RMDN1: variants seen among roughly 807,000 people sequenced by gnomAD.
RMDN1 encodes the protein regulator of microtubule dynamics protein 1.
Under a neutral mutation model 48.9 loss-of-function variants are expected in RMDN1, and 48 were observed. The observed-to-expected ratio is 0.98, with a 90% CI of 0.78 to 1.25. The LOEUF (loss-of-function observed/expected upper bound fraction) is 1.25. Ranked by LOEUF, RMDN1 falls within the 50% of genes most tolerant of loss-of-function variation. The pLI is 0.00. For synonymous variants in RMDN1, 148 were observed against 132.6 expected (o/e 1.12, Z -0.80); for missense variants, 418 against 373.4 (o/e 1.12, Z -0.98).
At chr8:86,471,320 C>T (rs1365155358), downstream of RMDN1, among the ~76,000 whole-genome samples, 1 of 151,798 alleles carries the variant, frequency 6.6e-6, no homozygotes, top group Non-Finnish European at 1.5e-5. Context: ...TGAACTAACC[C>T]AGACCCTTTC....
intron 6 of RMDN1, among the ~76,000 whole-genome samples, chr8:86,479,720 C>G (rs1814011739): frequency 6.6e-6 from 1 of 152,052 alleles, no homozygotes; most frequent in African/African-American, 2.4e-5. Flanking sequence ...ACACTGGTAC[C>G]CTTCTTAGAT....
Position 86,508,665 on chromosome 8 carries a change from C to A in RMDN1, c.-45G>T, listed in dbSNP as rs68008113. The A allele has an allele frequency of 0.27, 418,378 of 1,542,890 alleles. 62,953 individuals are homozygous for A. The highest frequency in any genetic ancestry group is 0.56 in the Admixed American group (28,988 of 52,060). ...GACCCTGCACTACTTCAGGCAGCTACGGAGGCGGGCGGGGCTAAAGGAGAT... is the reference window on the plus strand; with the variant it reads ...GACCCTGCACTACTTCAGGCAGCTAAGGAGGCGGGCGGGGCTAAAGGAGAT... On this transcript the variant is annotated 5_prime_UTR_variant, in exon 1 of 10. Transcript: ENST00000406452.
chr8:86,508,049 T>G, intron 1 of RMDN1: 1 of 156,816 alleles, frequency 6.4e-6, no homozygotes, highest in Non-Finnish European at 1.4e-5. Context: ...AATAAACATT[T>G]TTAAACAAAA....
intron 2 of RMDN1, among the ~76,000 whole-genome samples, chr8:86,497,071 C>CA (rs1261563219): frequency 1.3e-5 from 2 of 152,142 alleles, no homozygotes; most frequent in Non-Finnish European, 2.9e-5. Flanking sequence ...AAGCAGAAAT[C>CA]AAAGACTTCT....
chr8:86,514,236 A>G, intron 1 of RMDN1: 2 of 984,632 alleles, frequency 2.0e-6, no homozygotes, highest in Non-Finnish European at 2.4e-6. Context: ...GCACCAAACC[A>G]CTTACCTTAA....
chr8:86,477,329 CAA>C lies in RMDN1; in HGVS notation c.730-7_730-6del. 6.3e-7 allele frequency: 1 copy of C among 1,581,074 alleles called. No individual in the cohort carries two copies. The highest frequency in any genetic ancestry group is 8.6e-7 in the Non-Finnish European group (1 of 1,166,628). On this transcript the variant is annotated splice_region_variant and splice_polypyrimidine_tract_variant and intron_variant, in intron 7 of 9. Transcript: ENST00000406452. ...CCTGTGAAAGTAGCCTAAGGCCTGT[CAA>C]AAACACAAAGAGCCCAAACATAATA...
chr8:86,482,949 G>A, intron 5 of RMDN1: 2 of 788,100 alleles, frequency 2.5e-6, no homozygotes, highest in South Asian at 2.8e-5. Context: ...CTCGGACGAG[G>A]TCCCCGGCGG....
chr8:86,477,316 G>C lies in RMDN1; in HGVS notation c.738C>G (p.Gly246=), dbSNP rs1244047529. The change falls in exon 8 of 10, where the codon GGC becomes GGG. Residue 246 remains glycine, a synonymous_variant. Coordinates refer to ENST00000406452, the MANE Select transcript of RMDN1 (RefSeq NM_016033.3). Reference sequence around the variant, plus strand: ...TACCTTGTTCTGCCCTGTGAAAGTAGCCTAAGGCCTGTCAAAAACACAAAG... The same window carrying C: ...TACCTTGTTCTGCCCTGTGAAAGTACCCTAAGGCCTGTCAAAAACACAAAG... ...PPSSTYEKAL[G]YFHRAEQVDP... is the part of the protein sequence containing the mutation. 5.6e-6 allele frequency: 9 copies of C among 1,597,882 alleles called. No homozygotes were observed. In the East Asian group the frequency reaches 1.6e-4, roughly 28 times the overall value.
rs1428130527 is a variant in RMDN1, at chr8:86,474,867, G to A, written c.847C>T (p.Leu283=). 5.0e-6 allele frequency: 8 copies of A among 1,612,724 alleles called. No homozygotes were observed. Among genetic ancestry groups the A allele is most frequent in the Non-Finnish European group, 6.8e-6 (8 of 1,179,442 alleles). ...LHNKKLAAFW[L]MKAKDYPAHT... ...GCTGGATAGTCCTTGGCTTTCATTA[G>A]CCAGAAAGCAGCAAGCTTTTTGTTG... The change falls in exon 9 of 10, where the codon CTA becomes TTA. Residue 283 remains leucine, a synonymous_variant. Coordinates refer to ENST00000406452, the MANE Select transcript of RMDN1 (RefSeq NM_016033.3).
At chr8:86,483,299 A>G (rs1814887051) in intron 5 of RMDN1, among the ~76,000 whole-genome samples, 1 of 152,216 alleles carries the variant, frequency 6.6e-6, no homozygotes, top group African/African-American at 2.4e-5. Context: ...AAAAAAATGG[A>G]AAGTATACAT....
intron 1 of RMDN1, among the ~76,000 whole-genome samples, chr8:86,514,011 T>G (rs1204436471): frequency 6.6e-6 from 1 of 152,062 alleles, no homozygotes; most frequent in Admixed American, 6.5e-5. Flanking sequence ...AGCTATTTTT[T>G]TTTTTACTTT....
At position 86,472,650 on chromosome 8, in the gene RMDN1, G is replaced by T; in HGVS notation, c.*1658C>A. ...ATTATTTTTTCACTGTATCAGTGGT[G>T]TGTCATATTTTTTTTTTTGCCATCC... On this transcript the variant is annotated 3_prime_UTR_variant, in exon 10 of 10. Transcript: ENST00000406452. 1 of 565,460 alleles carries T rather than the reference G, an allele frequency of 1.8e-6. No individual in the cohort carries two copies. The highest frequency in any genetic ancestry group is 3.1e-6 in the Non-Finnish European group (1 of 321,180). 35.0% of individuals were successfully genotyped at this position (565,460 alleles called of 1,614,324 possible).
upstream of RMDN1, among the ~76,000 whole-genome samples, chr8:86,513,053 G>A (rs1023938392): frequency 1.4e-5 from 2 of 146,486 alleles, no homozygotes; most frequent in Non-Finnish European, 3.0e-5. Flanking sequence ...TTTTCTATTG[G>A]GTGTTTTTTT....
intron 7 of RMDN1, 169 bp from the exon 8 acceptor site, chr8:86,477,493 G>GT (rs1265262691): frequency 1.7e-5 from 9 of 529,532 alleles, no homozygotes; most frequent in African/African-American, 1.1e-4. Flanking sequence ...CAAAGTGAAC[G>GT]TAACACTTCA....
chr8:86,472,628 A>G lies in RMDN1; in HGVS notation c.*1680T>C. On this transcript the variant is annotated 3_prime_UTR_variant, in exon 10 of 10. Coordinates refer to ENST00000406452, the MANE Select transcript of RMDN1 (RefSeq NM_016033.3). The stretch of plus-strand genomic sequence containing the variant: ...GTTGCCTAGCTACCCTGACCACATT[A>G]TTTTTTCACTGTATCAGTGGTGTGT... 1 of 574,276 alleles carries G rather than the reference A, an allele frequency of 1.7e-6. No homozygotes were observed. The highest frequency in any genetic ancestry group is 3.1e-6 in the Non-Finnish European group (1 of 326,520). 35.6% of individuals were successfully genotyped at this position (574,276 alleles called of 1,614,324 possible).
chr8:86,509,336 A>C (rs1410763128), upstream of RMDN1, among the ~76,000 whole-genome samples: 1 of 152,130 alleles, frequency 6.6e-6, no homozygotes, highest in Non-Finnish European at 1.5e-5. Flanking sequence ...CTTCAATAAG[A>C]TGTTTTACTT....
intron 2 of RMDN1, among the ~76,000 whole-genome samples, chr8:86,491,330 T>C (rs1010668106): frequency 1.1e-4 from 17 of 152,058 alleles, no homozygotes; most frequent in Non-Finnish European, 2.1e-4. Flanking sequence ...GAGACAGGGT[T>C]TCACCATGTT....
At chr8:86,511,558 C>G (rs1453504149), upstream of RMDN1, among the ~76,000 whole-genome samples, 2 of 151,958 alleles carry the variant, frequency 1.3e-5, no homozygotes, top group African/African-American at 2.4e-5. Flanking sequence ...GCCTGTAATC[C>G]CAGCACTTTG....
Position 86,508,607 on chromosome 8 carries a change from G to C in RMDN1, c.14C>G (p.Ala5Gly), listed in dbSNP as rs551980232. 3 of 1,602,904 alleles carry C rather than the reference G, an allele frequency of 1.9e-6. No homozygotes were observed. Residue 5 changes from alanine to glycine, a missense_variant, in exon 1 of 10, where the codon GCT becomes GGT. Physicochemically the swap from Ala to Gly is moderately conservative, Grantham distance 60. Transcript: ENST00000406452. The part of the protein sequence containing the change: MALA[A>G]RLWRLLPFRR... ...GAAAGGCAGAAGGCGCCACAGTCGAGCAGCCAGCGCCATGACCTGCAACTT... is the reference window on the plus strand; with the variant it reads ...GAAAGGCAGAAGGCGCCACAGTCGACCAGCCAGCGCCATGACCTGCAACTT...
Sources: allele counts gnomAD v4.1 joint callset (sites outside exome capture counted in the v4.1 genomes callset), GRCh38; gene constraint gnomAD v4.1.1; transcripts MANE v1.5; gene names NCBI Gene and HGNC (gene_info 2026-07-23, HGNC 2026-07-21).